Variants in LRP6 observed in about 807,000 individuals in gnomAD.
LRP6 encodes the protein LDL receptor related protein 6.
A neutral mutation model predicts 184.1 loss-of-function variants in LRP6; 43 were observed. That is an observed-to-expected ratio of 0.23 (90% CI 0.18 to 0.30). The LOEUF is 0.30. Ranked by LOEUF, LRP6 falls within the 10% of genes least tolerant of loss-of-function variation. The pLI is 1.00. For synonymous variants in LRP6, 719 were observed against 684.9 expected, an observed-to-expected ratio of 1.05 and a Z score of -0.78; for missense variants, 1,571 against 2,005.3, an observed-to-expected ratio of 0.78 and a Z score of 4.14.
rs754218119 is a variant in LRP6, at chr12:12,203,319, T to G, written c.531A>C (p.Ile177=). The change falls in exon 3 of 23, where the codon ATA becomes ATC. Residue 177 remains isoleucine, a synonymous_variant. Transcript: ENST00000261349. ...CATTTGGCCAGTAAATTTCACTGTT[T>G]ATTATAATGAAGCGACTTGAACCAT... ...GMDGSSRFII[I]NSEIYWPNGL... 4.3e-6 allele frequency: 7 copies of G among 1,614,136 alleles called. No individual in the cohort carries two copies. The highest frequency in any genetic ancestry group is 5.9e-6 in the Non-Finnish European group (7 of 1,179,958).
At position 12,117,429 on chromosome 12, in the gene LRP6, A is replaced by G. The variant is rs1949533023; in HGVS notation, c.*3697T>C. On this transcript the variant is annotated 3_prime_UTR_variant, in exon 23 of 23. Coordinates refer to ENST00000261349, the MANE Select transcript of LRP6 (RefSeq NM_002336.3). ...AGAGCTGACATATTTCGGATGTGAAAAGTCCAAGATTTTTGTTTCTGAATC... is the reference window on the plus strand; with the variant it reads ...AGAGCTGACATATTTCGGATGTGAAGAGTCCAAGATTTTTGTTTCTGAATC... 1 of 152,258 alleles carries G rather than the reference A, an allele frequency of 6.6e-6. No individual in the cohort carries two copies. Among genetic ancestry groups the G allele is most frequent in the Non-Finnish European group, 1.5e-5 (1 of 68,030 alleles). The allele number at this position is 152,258 out of a possible 1,614,324, so 9.4% of individuals were successfully genotyped here. A position where few individuals can be genotyped will look rare whatever the true frequency, so the allele number is the denominator to read the frequency against.
intron 2 of LRP6, among the ~76,000 whole-genome samples, chr12:12,219,469 C>A (rs1311887224): frequency 1.3e-5 from 2 of 152,154 alleles, no homozygotes; most frequent in Admixed American, 6.5e-5. Flanking sequence ...TCCCAAAGTG[C>A]TGGGATTACA....
chr12:12,262,004 A>G (rs1210843213), intron 1 of LRP6, among the ~76,000 whole-genome samples: 1 of 152,194 alleles, frequency 6.6e-6, no homozygotes, highest in African/African-American at 2.4e-5. Context: ...ACACTTTGGG[A>G]GGCAGAGGTG....
intron 3 of LRP6, among the ~76,000 whole-genome samples, chr12:12,189,837 C>T (rs558280517): frequency 9.6e-4 from 146 of 152,160 alleles, no homozygotes; most frequent in Non-Finnish European, 1.6e-3. Flanking sequence ...CTTTTCATAG[C>T]CATTCTTAAT....
chr12:12,152,907 A>C (rs1287005286), intron 12 of LRP6, among the ~76,000 whole-genome samples: 1 of 152,240 alleles, frequency 6.6e-6, no homozygotes, highest in Non-Finnish European at 1.5e-5. Flanking sequence ...CTTGTTATCT[A>C]CAAAACTGCA....
intron 15 of LRP6, among the ~76,000 whole-genome samples, chr12:12,146,139 C>CAT (rs1428116929): frequency 6.6e-6 from 1 of 152,180 alleles, no homozygotes; most frequent in Non-Finnish European, 1.5e-5. Context: ...TGTATTTCTC[C>CAT]ATGAAGGACT....
At chr12:12,142,424 C>T (rs1381418985) in intron 15 of LRP6, among the ~76,000 whole-genome samples, 1 of 152,000 alleles carries the variant, frequency 6.6e-6, no homozygotes, top group African/African-American at 2.4e-5. Flanking sequence ...AAAAGATATG[C>T]TTATTTATTC....
chr12:12,165,049 C>T, intron 8 of LRP6, 30 bp downstream of exon 8: 1 of 1,540,632 alleles, frequency 6.5e-7, no homozygotes, highest in Non-Finnish European at 9.0e-7. Context: ...TCCTGGTTCC[C>T]ATTTCTAAGA....
chr12:12,124,814 C>T (rs912530218), intron 21 of LRP6, 152 bp from the exon 22 acceptor site: 1 of 618,156 alleles, frequency 1.6e-6, no homozygotes, highest in African/African-American at 1.8e-5. Flanking sequence ...TCAAACAGTA[C>T]TTTGGGACTA....
intron 14 of LRP6, among the ~76,000 whole-genome samples, chr12:12,147,969 T>G (rs551547249): frequency 7.9e-5 from 12 of 151,044 alleles, no homozygotes; most frequent in African/African-American, 2.7e-4. Context: ...AGCCAAACCT[T>G]GTATCCAAAT....
At chr12:12,154,550 T>G (rs566748661) in intron 12 of LRP6, among the ~76,000 whole-genome samples, 1 of 152,136 alleles carries the variant, frequency 6.6e-6, no homozygotes, top group Non-Finnish European at 1.5e-5. Context: ...CTCATTACAA[T>G]AATATATGAA....
chr12:12,205,045 G>T (rs1488193318), intron 2 of LRP6, among the ~76,000 whole-genome samples: 1 of 151,388 alleles, frequency 6.6e-6, no homozygotes, highest in African/African-American at 2.4e-5. Flanking sequence ...AAGTTAATGA[G>T]GAGCCAGGAG....
intron 7 of LRP6, among the ~76,000 whole-genome samples, chr12:12,175,601 T>G (rs1326036081): frequency 6.8e-6 from 1 of 147,820 alleles, no homozygotes. Context: ...GCAGGAAAAT[T>G]GCGTGAACCC....
At chr12:12,238,620 T>G (rs1864981516) in intron 2 of LRP6, among the ~76,000 whole-genome samples, 1 of 152,148 alleles carries the variant, frequency 6.6e-6, no homozygotes, top group African/African-American at 2.4e-5. Context: ...CTCAAAGGTC[T>G]GAGTGAAAAT....
rs1337972757 is a variant in LRP6, at chr12:12,120,773, A to G, written c.*353T>C. Reference sequence around the variant, plus strand: ...TTTATTTTTGGTATCAATAAAGCCCAGATATTCCTGGTCAGTGATGCCTTT... The same window carrying G: ...TTTATTTTTGGTATCAATAAAGCCCGGATATTCCTGGTCAGTGATGCCTTT... On this transcript the variant is annotated 3_prime_UTR_variant, in exon 23 of 23. Transcript: ENST00000261349. 1.2e-5 allele frequency: 2 copies of G among 167,602 alleles called. No individual in the cohort carries two copies. The highest frequency in any genetic ancestry group is 2.5e-5 in the Non-Finnish European group (2 of 78,516). The allele number at this position is 167,602 out of a possible 1,614,324, so 10.4% of individuals were successfully genotyped here.
chr12:12,132,369 A>C (rs934629897), intron 17 of LRP6, among the ~76,000 whole-genome samples: 2 of 152,220 alleles, frequency 1.3e-5, no homozygotes, highest in Admixed American at 1.3e-4. Context: ...TAATCAGTAT[A>C]ATTACCAAAG....
In LRP6 at chr12:12,147,261, A is replaced by G. The variant is rs1043144964; in HGVS notation, c.3397+105T>C. On this transcript the variant is annotated intron_variant, in intron 15 of 22. Transcript: ENST00000261349. ...TGATGCTGACTACATTTAATGAATA[A>G]AACTGCCAAGAAATGTGCCAAAAAC... The G allele has an allele frequency of 5.4e-6, 7 of 1,304,934 alleles. No homozygotes were observed. The South Asian group carries it at 8.7e-5, about 16-fold the overall frequency. The allele number at this position is 1,304,934 out of a possible 1,614,324, so 80.8% of individuals were successfully genotyped here.
At chr12:12,159,459 A>G (rs1862688091) in intron 11 of LRP6, among the ~76,000 whole-genome samples, 1 of 152,204 alleles carries the variant, frequency 6.6e-6, no homozygotes, top group Non-Finnish European at 1.5e-5. Context: ...AAGGGTCTAC[A>G]GTTCACTTTT....
rs779397771 is a variant in LRP6, at chr12:12,181,145, G to A, written c.1271C>T (p.Thr424Ile). The change falls in exon 6 of 23, where the codon ACT becomes ATT. Residue 424 changes from threonine (T) to isoleucine (I), a missense_variant. Coordinates refer to ENST00000261349, the MANE Select transcript of LRP6 (RefSeq NM_002336.3). ...ARNLYWTDTG[T>I]DRIEVTRLNG... ...GAGCCTTGTCACTTCTATTCGATCA[G>A]TGCCAGTGTCTGTCCAATAAAGATT... 1.9e-6 allele frequency: 3 copies of A among 1,614,064 alleles called. No individual in the cohort carries two copies. The highest frequency in any genetic ancestry group is 1.1e-5 in the South Asian group (1 of 91,084).
Sources: allele counts gnomAD v4.1 joint callset (sites outside exome capture counted in the v4.1 genomes callset), GRCh38; gene constraint gnomAD v4.1.1; transcripts MANE v1.5; gene names NCBI Gene and HGNC (gene_info 2026-07-23, HGNC 2026-07-21).